TEAD1: variants seen among roughly 807,000 people sequenced by gnomAD.
TEAD1 encodes the protein transcriptional enhancer factor TEF-1.
In TEAD1, 9 loss-of-function variants were observed where a neutral mutation model predicts 54.9. The ratio of observed to expected loss-of-function variants is 0.16; its 90% CI spans 0.10 to 0.29. The LOEUF (loss-of-function observed/expected upper bound fraction) is 0.29, where lower values mean the gene tolerates loss of function less well. TEAD1 is among the 10% of genes least tolerant of loss of function. The pLI is 1.00. For synonymous variants in TEAD1, 200 were observed against 187.8 expected, an observed-to-expected ratio of 1.07 and a Z score of -0.53; for missense variants, 387 against 535.9, an observed-to-expected ratio of 0.72 and a Z score of 2.74.
chr11:12,863,698 C>A (rs377352137), intron 4 of TEAD1, among the ~76,000 whole-genome samples: 1 of 152,070 alleles, frequency 6.6e-6, no homozygotes, highest in South Asian at 2.1e-4. Flanking sequence ...TCTGACAGTG[C>A]GGGACCTGGG....
chr11:12,787,476 C>G (rs1564939817), intron 3 of TEAD1, among the ~76,000 whole-genome samples: 1 of 152,096 alleles, frequency 6.6e-6, no homozygotes, highest in African/African-American at 2.4e-5. Flanking sequence ...TTAGAGCCTT[C>G]TGAGAAGATA....
At position 12,913,878 on chromosome 11, in the gene TEAD1, C is replaced by G. The variant is rs180746538; in HGVS notation, c.874-11034C>G. ...TATGAAAAACTTTTCATGCACAAAA[C>G]CTTGAAACCATAAAAAGGTCCTGTT... On this transcript the variant is annotated intron_variant, in intron 10 of 12. Transcript: ENST00000527636. Among the ~76,000 whole-genome samples, 19 of 152,262 alleles carry G rather than the reference C, an allele frequency of 1.2e-4. No homozygotes were observed. The East Asian group carries it at 3.5e-3, about 28-fold the overall frequency.
intron 3 of TEAD1, among the ~76,000 whole-genome samples, chr11:12,837,833 GC>G (rs1283424621): frequency 1.2e-5 from 1 of 84,670 alleles, no homozygotes; most frequent in Admixed American, 1.4e-4. Context: ...ACTGAGTTTT[GC>G]CCTTGTTGCC....
At chr11:12,758,674 A>G (rs1945039142) in intron 2 of TEAD1, among the ~76,000 whole-genome samples, 1 of 152,016 alleles carries the variant, frequency 6.6e-6, no homozygotes, top group Non-Finnish European at 1.5e-5. Flanking sequence ...TCGGCCTCCC[A>G]AAGTGCTGGG....
At chr11:12,699,695 A>AGAAAACCTCTGGTACACT (rs1943656200) in intron 2 of TEAD1, among the ~76,000 whole-genome samples, 1 of 152,210 alleles carries the variant, frequency 6.6e-6, no homozygotes, top group Non-Finnish European at 1.5e-5. Context: ...TTACCAGTGT[A>AGAAAACCTCTGGTACACT]ATTGCTCAGT....
At chr11:12,764,516 G>A (rs756354512) in intron 3 of TEAD1, 82 bp downstream of exon 3, 256 of 1,511,624 alleles carry the variant, frequency 1.7e-4, no homozygotes, top group Non-Finnish European at 2.2e-4. Flanking sequence ...CTTCCAGCAA[G>A]AGCTGTTCAT....
chr11:12,924,995 A>C lies in TEAD1; in HGVS notation c.957A>C (p.Thr319=), dbSNP rs771650800. ...AGTACGAGAGTTCTGAAAATATGAC[A>C]GTCACCTGTTCCACCAAAGTTTGCT... Residue 319 remains threonine (T), a synonymous_variant, in exon 11 of 13, where the codon ACA becomes ACC. Coordinates refer to ENST00000527636, the MANE Select transcript of TEAD1 (RefSeq NM_021961.6). 4 of 1,614,208 alleles carry C rather than the reference A, an allele frequency of 2.5e-6. No individual in the cohort carries two copies. The highest frequency in any genetic ancestry group is 8.5e-7 in the Non-Finnish European group (1 of 1,180,036).
rs34175882 is a variant in TEAD1, at chr11:12,828,792, A to ATT, written c.203-33446_203-33445dup. On this transcript the variant is annotated intron_variant, in intron 3 of 12. Transcript: ENST00000527636. ...GAGTCCTTGTTTCTTATTGATTTGC[A>ATT]TTTTTTTTTTTTTCTGTATAGCCTT... 4.8e-3 allele frequency among the ~76,000 whole-genome samples: 576 copies of ATT among 120,490 alleles called. 1 individual carries two copies. Among genetic ancestry groups the ATT allele is most frequent in the Admixed American group, 8.1e-3 (99 of 12,280 alleles). 79.0% of individuals were successfully genotyped at this position (120,490 alleles called of 152,430 possible). A position where few individuals can be genotyped will look rare whatever the true frequency, so the allele number is the denominator to read the frequency against.
chr11:12,936,971 A>G, intron 12 of TEAD1, 138 bp from the exon 13 acceptor site: 1 of 646,382 alleles, frequency 1.5e-6, no homozygotes, highest in Non-Finnish European at 2.8e-6. Context: ...AATCTGTGTT[A>G]GAGGACACAG....
chr11:12,839,089 A>G (rs1319981692), intron 3 of TEAD1, among the ~76,000 whole-genome samples: 1 of 151,490 alleles, frequency 6.6e-6, no homozygotes, highest in Admixed American at 6.6e-5. Flanking sequence ...TCAAAACAAT[A>G]TTTTTCATTC....
chr11:12,928,058 C>T (rs1161586172), intron 11 of TEAD1, among the ~76,000 whole-genome samples: 1 of 152,152 alleles, frequency 6.6e-6, no homozygotes, highest in Non-Finnish European at 1.5e-5. Context: ...TTAGTTACAG[C>T]TGCAATACGT....
rs983926223 is a variant in TEAD1, at chr11:12,914,005, A to G, written c.874-10907A>G. 5.3e-5 allele frequency among the ~76,000 whole-genome samples: 8 copies of G among 152,354 alleles called. No homozygotes were observed. The East Asian group carries it at 7.7e-4, about 15-fold the overall frequency. ...CACCCAGAATTCATTACTTGCCTCT[A>G]TTGGAAAGAACTGGCCCGTGTAGCT... On this transcript the variant is annotated intron_variant, in intron 10 of 12. Transcript: ENST00000527636.
chr11:12,730,694 CTTTTTTTTT>C (rs71313457), intron 2 of TEAD1, among the ~76,000 whole-genome samples: 13 of 65,664 alleles, frequency 2.0e-4, no homozygotes, highest in African/African-American at 5.2e-4. Flanking sequence ...CTACATAGCT[CTTTTTTTTT>C]TTTTTTTTTT....
At chr11:12,786,249 G>C (rs1426936781) in intron 3 of TEAD1, among the ~76,000 whole-genome samples, 2 of 152,194 alleles carry the variant, frequency 1.3e-5, no homozygotes, top group Non-Finnish European at 2.9e-5. Flanking sequence ...GCTCTGCCTG[G>C]TAGCTTTCTC....
chr11:12,930,047 T>C, intron 11 of TEAD1, 127 bp from the exon 12 acceptor site: 1 of 996,354 alleles, frequency 1.0e-6, no homozygotes, highest in Non-Finnish European at 1.6e-6. Context: ...GTAGATTACG[T>C]AAGTAGTATA....
At chr11:12,839,692 G>T (rs1034614221) in intron 3 of TEAD1, among the ~76,000 whole-genome samples, 2 of 152,178 alleles carry the variant, frequency 1.3e-5, no homozygotes, top group African/African-American at 4.8e-5. Flanking sequence ...AGAACGTAAG[G>T]AGCACGACCA....
chr11:12,833,239 A>C (rs1946817713), intron 3 of TEAD1, among the ~76,000 whole-genome samples: 1 of 152,194 alleles, frequency 6.6e-6, no homozygotes, highest in South Asian at 2.1e-4. Flanking sequence ...GGATGACAAA[A>C]TGTCTATATT....
rs78118996 is a variant in TEAD1 at position 12,941,277 on chromosome 11, G to C, written c.*4055G>C. The C allele has an allele frequency of 6.6e-6, 1 of 152,172 alleles. No homozygotes were observed. The highest frequency in any genetic ancestry group is 2.4e-5 in the African/African-American group (1 of 41,410). The allele number at this position is 152,172 out of a possible 1,614,324, so 9.4% of individuals were successfully genotyped here. On this transcript the variant is annotated 3_prime_UTR_variant, in exon 13 of 13. Coordinates refer to ENST00000527636, the MANE Select transcript of TEAD1 (RefSeq NM_021961.6). ...TCCACAAGCAGGTAGGAAAGCTGGC[G>C]AGCCATTTTACTTCCTGAGGACAAT...
At chr11:12,716,428 C>T (rs181314147) in intron 2 of TEAD1, among the ~76,000 whole-genome samples, 1 of 152,312 alleles carries the variant, frequency 6.6e-6, no homozygotes, top group East Asian at 1.9e-4. Context: ...TGCTGAATCC[C>T]TGGACCTGAA....
Sources: allele counts gnomAD v4.1 joint callset (sites outside exome capture counted in the v4.1 genomes callset), GRCh38; gene constraint gnomAD v4.1.1; transcripts MANE v1.5; gene names NCBI Gene and HGNC (gene_info 2026-07-23, HGNC 2026-07-21).